EPB41L2: variants seen among roughly 807,000 people sequenced by gnomAD.
EPB41L2 encodes the protein erythrocyte membrane protein band 4.1 like 2, also known as band 4.1-like protein 2.
Under a neutral mutation model 113.0 loss-of-function variants are expected in EPB41L2, and 43 were observed. That is an observed-to-expected ratio of 0.38 (90% CI 0.30 to 0.49). The LOEUF (loss-of-function observed/expected upper bound fraction) is 0.49. Among genes scored for constraint, EPB41L2 ranks in the 20% least tolerant of loss-of-function variants. The pLI is 0.95. For synonymous variants in EPB41L2, 442 were observed against 436.7 expected (o/e 1.01, Z -0.15); for missense variants, 1,147 against 1,223.4 (o/e 0.94, Z 0.93).
chr6:131,047,842 A>T (rs898687731), intron 1 of EPB41L2, among the ~76,000 whole-genome samples: 1 of 152,184 alleles, frequency 6.6e-6, no homozygotes, highest in Non-Finnish European at 1.5e-5. Context: ...GGGAGGAAGA[A>T]AAGAAAAAAG....
rs547272447 is a variant in EPB41L2, at chr6:130,869,457, T to C, written c.2607+106A>G. On this transcript the variant is annotated intron_variant, in intron 15 of 19. Coordinates refer to ENST00000337057, the MANE Select transcript of EPB41L2 (RefSeq NM_001431.4). ...CCCATGAGAGAGAAAAATCAGATTCTTGTTGAAAAAAGCTGAAGAACTGGG... is the reference window on the plus strand; with the variant it reads ...CCCATGAGAGAGAAAAATCAGATTCCTGTTGAAAAAAGCTGAAGAACTGGG... 178 of 1,048,810 alleles carry C rather than the reference T, an allele frequency of 1.7e-4. 1 individual carries two copies. Among genetic ancestry groups the C allele is most frequent in the Admixed American group, 3.2e-4 (12 of 37,746 alleles). The allele number at this position is 1,048,810 out of a possible 1,614,324, so 65.0% of individuals were successfully genotyped here.
At chr6:130,936,685 T>C (rs1156507950) in intron 3 of EPB41L2, among the ~76,000 whole-genome samples, 1 of 152,226 alleles carries the variant, frequency 6.6e-6, no homozygotes, top group African/African-American at 2.4e-5. Flanking sequence ...GAGAAAAATA[T>C]ATAATCAGGA....
chr6:131,052,676 T>G (rs959800749), intron 1 of EPB41L2, among the ~76,000 whole-genome samples: 2 of 152,042 alleles, frequency 1.3e-5, no homozygotes, highest in African/African-American at 4.8e-5. Flanking sequence ...AGTTGGAAAT[T>G]GGAAGAGAGG....
At chr6:130,979,707 T>A (rs1778957022) in intron 1 of EPB41L2, among the ~76,000 whole-genome samples, 1 of 152,030 alleles carries the variant, frequency 6.6e-6, no homozygotes, top group Non-Finnish European at 1.5e-5. Flanking sequence ...AGTGGTACCA[T>A]GAAGTTAGAA....
intron 1 of EPB41L2, among the ~76,000 whole-genome samples, chr6:131,032,252 G>C (rs915912918): frequency 7.5e-5 from 11 of 146,540 alleles, no homozygotes; most frequent in African/African-American, 3.0e-4. Flanking sequence ...AAAAATACAA[G>C]GGTTTCATCC....
At chr6:130,850,235 T>C (rs1225400540) in intron 19 of EPB41L2, among the ~76,000 whole-genome samples, 1 of 152,090 alleles carries the variant, frequency 6.6e-6, no homozygotes, top group Non-Finnish European at 1.5e-5. Context: ...GGAAACTCTG[T>C]CTCAAAAAAA....
intron 1 of EPB41L2, among the ~76,000 whole-genome samples, chr6:130,979,622 G>A (rs1357551647): frequency 6.6e-6 from 1 of 152,054 alleles, no homozygotes; most frequent in African/African-American, 2.4e-5. Context: ...AAAATGAATG[G>A]GACTTGATAA....
chr6:130,866,572 C>A (rs182309289), intron 16 of EPB41L2, among the ~76,000 whole-genome samples: 186 of 152,322 alleles, frequency 1.2e-3, no homozygotes, highest in Non-Finnish European at 2.0e-3. Context: ...GGGATCAAGG[C>A]ACACACAAGG....
intron 11 of EPB41L2, among the ~76,000 whole-genome samples, chr6:130,887,426 C>T (rs1036644165): frequency 5.3e-5 from 8 of 152,194 alleles, no homozygotes; most frequent in African/African-American, 1.2e-4. Context: ...TAAAAGATAA[C>T]GCTGTGCTCT....
chr6:130,966,669 G>A (rs1232067365), intron 1 of EPB41L2, among the ~76,000 whole-genome samples: 1 of 152,174 alleles, frequency 6.6e-6, no homozygotes, highest in African/African-American at 2.4e-5. Context: ...TTAATGAACA[G>A]AAGTTTTCAT....
At chr6:131,054,620 G>C (rs1797261039) in intron 1 of EPB41L2, among the ~76,000 whole-genome samples, 1 of 152,234 alleles carries the variant, frequency 6.6e-6, no homozygotes. Flanking sequence ...GGCGCCACTT[G>C]TGGCACATTG....
At chr6:130,871,206 G>C (rs1003342977) in intron 14 of EPB41L2, among the ~76,000 whole-genome samples, 1 of 152,160 alleles carries the variant, frequency 6.6e-6, no homozygotes, top group African/African-American at 2.4e-5. Context: ...ATTAACTAGG[G>C]TGGAAACCTT....
chr6:130,955,461 A>G (rs1021841446), intron 2 of EPB41L2, 144 bp from the exon 3 acceptor site: 10 of 837,254 alleles, frequency 1.2e-5, no homozygotes, highest in Admixed American at 2.9e-5. Flanking sequence ...GAAAATTCCA[A>G]TAGAAAGGAT....
rs1018684881 is a variant in EPB41L2 at position 130,863,530 on chromosome 6, CAGG to C, written c.2910+105_2910+107del. On this transcript the variant is annotated intron_variant, in intron 18 of 19. Coordinates refer to ENST00000337057, the MANE Select transcript of EPB41L2 (RefSeq NM_001431.4). ...TCCTGCTTAGGAGGTGGACTTCATC[CAGG>C]AGGTTTGGGGAGAAGAGGTTTACAC... is the stretch of plus-strand genomic sequence containing the variant. 5 of 717,774 alleles carry C rather than the reference CAGG, an allele frequency of 7.0e-6. No individual in the cohort carries two copies. In the African/African-American group the frequency reaches 8.8e-5, roughly 13 times the overall value. 44.5% of individuals were successfully genotyped at this position (717,774 alleles called of 1,614,324 possible). A position where few individuals can be genotyped will look rare whatever the true frequency, so the allele number is the denominator to read the frequency against.
intron 10 of EPB41L2, 23 bp from the exon 11 acceptor site, chr6:130,890,489 AAAGAG>A (rs1199319970): frequency 1.9e-6 from 3 of 1,574,052 alleles, no homozygotes; most frequent in East Asian, 2.2e-5. Context: ...AAAAAAAAAA[AAAGAG>A]AGAGAGAAAG....
chr6:131,023,185 A>C (rs73620198), intron 1 of EPB41L2, among the ~76,000 whole-genome samples: 1,735 of 152,348 alleles, frequency 0.011, 41 homozygotes, highest in African/African-American at 0.04. Flanking sequence ...TGCTATTTTC[A>C]CATGTGTATG....
intron 1 of EPB41L2, among the ~76,000 whole-genome samples, chr6:131,033,625 A>G (rs1335481628): frequency 6.6e-6 from 1 of 152,272 alleles, no homozygotes; most frequent in Admixed American, 6.5e-5. Context: ...AAATTCTGAC[A>G]CATGCTACAA....
intron 11 of EPB41L2, among the ~76,000 whole-genome samples, chr6:130,888,937 C>T (rs1791911906): frequency 6.6e-6 from 1 of 152,122 alleles, no homozygotes; most frequent in Non-Finnish European, 1.5e-5. Context: ...TATGTGTCCA[C>T]CTGCATTTGT....
intron 1 of EPB41L2, among the ~76,000 whole-genome samples, chr6:131,016,817 G>GA (rs911328167): frequency 1.0e-3 from 119 of 114,692 alleles, no homozygotes; most frequent in East Asian, 9.9e-3. Flanking sequence ...GTCTCTAAAA[G>GA]AAAAAAAAAA....
Sources: gnomAD v4.1 joint callset for allele counts (sites outside exome capture counted in the v4.1 genomes callset) on GRCh38, gnomAD v4.1.1 for gene constraint, MANE v1.5 for transcripts, NCBI Gene and HGNC (gene_info 2026-07-23, HGNC 2026-07-21) for gene names.